FOXP2: variants seen among roughly 807,000 people sequenced by gnomAD.
The protein encoded by FOXP2 is forkhead box protein P2.
In FOXP2, 12 loss-of-function variants were observed where a neutral mutation model predicts 115.8. The ratio of observed to expected loss-of-function variants is 0.10; its 90% CI spans 0.07 to 0.17. The LOEUF (loss-of-function observed/expected upper bound fraction) is 0.17, where lower values mean the gene tolerates loss of function less well. Ranked by LOEUF, FOXP2 falls within the 10% of genes least tolerant of loss-of-function variation. The probability of loss-of-function intolerance (pLI) is 1.00; values close to 1 mark genes in which losing one functional copy is unlikely to be tolerated. For missense variants in FOXP2, 629 were observed against 843.5 expected, an observed-to-expected ratio of 0.75 and a Z score of 3.15; for synonymous variants, 328 against 297.7, an observed-to-expected ratio of 1.10 and a Z score of -1.05.
At chr7:114,296,480 G>C (rs1040042130) in intron 2 of FOXP2, among the ~76,000 whole-genome samples, 1 of 150,842 alleles carries the variant, frequency 6.6e-6, no homozygotes, top group East Asian at 1.9e-4. Context: ...TTTCTGAAAA[G>C]TATCCTGTGG....
chr7:114,091,124 CCTCT>C (rs1349679792), intron 1 of FOXP2, among the ~76,000 whole-genome samples: 1 of 151,698 alleles, frequency 6.6e-6, no homozygotes, highest in Non-Finnish European at 1.5e-5. Context: ...TGCTTACTTC[CCTCT>C]AAGTATTTTT....
chr7:114,515,086 A>G (rs1482051914), intron 2 of FOXP2, among the ~76,000 whole-genome samples: 2 of 150,392 alleles, frequency 1.3e-5, no homozygotes, highest in Non-Finnish European at 3.0e-5. Flanking sequence ...CATGGTGTAT[A>G]TGTGCCACAT....
chr7:114,619,655 T>G (rs1804135468), intron 3 of FOXP2, among the ~76,000 whole-genome samples: 1 of 152,108 alleles, frequency 6.6e-6, no homozygotes, highest in Admixed American at 6.6e-5. Flanking sequence ...TATATCCAAT[T>G]TTTTAAAAGA....
intron 2 of FOXP2, among the ~76,000 whole-genome samples, chr7:114,433,543 C>A (rs1284039322): frequency 1.3e-5 from 2 of 151,876 alleles, no homozygotes; most frequent in Non-Finnish European, 2.9e-5. Flanking sequence ...TGATTCACTT[C>A]TACAGATGGC....
chr7:114,255,840 T>C (rs1297312654), intron 1 of FOXP2, among the ~76,000 whole-genome samples: 2 of 152,112 alleles, frequency 1.3e-5, no homozygotes, highest in Non-Finnish European at 2.9e-5. Flanking sequence ...ATGAACCCAG[T>C]ACCTCAGTTG....
Position 114,653,915 on chromosome 7 carries a change from T to G in FOXP2, c.1183-11T>G. Reference sequence around the variant, plus strand: ...TTCTAAAACGCTTCTGATCTCACTCTTTCTTAACAGCTTTCTAAAGAACGC... The same window carrying G: ...TTCTAAAACGCTTCTGATCTCACTCGTTCTTAACAGCTTTCTAAAGAACGC... On this transcript the variant is annotated splice_polypyrimidine_tract_variant and intron_variant, in intron 9 of 16. Coordinates refer to ENST00000350908, the MANE Select transcript of FOXP2 (RefSeq NM_014491.4). 1 of 1,612,390 alleles carries G rather than the reference T, an allele frequency of 6.2e-7. No homozygotes were observed. The highest frequency in any genetic ancestry group is 1.1e-5 in the South Asian group (1 of 91,074).
chr7:114,191,217 G>A (rs1793752670), intron 1 of FOXP2, among the ~76,000 whole-genome samples: 1 of 152,114 alleles, frequency 6.6e-6, no homozygotes. Context: ...TTTATGGAGG[G>A]AGAAGGGCTA....
At chr7:114,441,968 C>A (rs2129212839) in intron 2 of FOXP2, among the ~76,000 whole-genome samples, 1 of 152,180 alleles carries the variant, frequency 6.6e-6, no homozygotes, top group South Asian at 2.1e-4. Context: ...AACAATTAAG[C>A]CTCCACTATG....
intron 2 of FOXP2, among the ~76,000 whole-genome samples, chr7:114,339,711 T>A (rs1791153119): frequency 1.3e-5 from 2 of 151,152 alleles, no homozygotes; most frequent in South Asian, 4.1e-4. Context: ...TTCCTTTTTG[T>A]GAGTTCATAA....
intron 2 of FOXP2, among the ~76,000 whole-genome samples, chr7:114,457,334 C>A (rs769686488): frequency 3.8e-4 from 57 of 151,930 alleles, no homozygotes; most frequent in Non-Finnish European, 6.8e-4. Flanking sequence ...ATATTTATTT[C>A]TTTAAAATTT....
At chr7:114,414,682 G>A (rs1390992583), upstream of FOXP2, 1 of 170,584 alleles carries the variant, frequency 5.9e-6, no homozygotes, top group African/African-American at 2.4e-5. Context: ...GCTGTGAAAT[G>A]CTTGTCTTGG....
chr7:114,134,957 C>G (rs368421835), intron 1 of FOXP2, among the ~76,000 whole-genome samples: 9 of 152,180 alleles, frequency 5.9e-5, no homozygotes, highest in African/African-American at 2.2e-4. Context: ...AATTATTTCT[C>G]TCCATAATGT....
intron 3 of FOXP2, among the ~76,000 whole-genome samples, chr7:114,538,556 A>G (rs1003806292): frequency 6.6e-6 from 1 of 151,742 alleles, no homozygotes; most frequent in Non-Finnish European, 1.5e-5. Flanking sequence ...GTAAAAAGCA[A>G]AAGAGAATTA....
Position 114,629,922 on chromosome 7 carries a change from C to A in FOXP2, c.514C>A (p.Gln172Lys). The A allele has an allele frequency of 6.2e-7, 1 of 1,612,380 alleles. No homozygotes were observed. Among genetic ancestry groups the A allele is most frequent in the East Asian group, 2.2e-5 (1 of 44,764 alleles). Residue 172 changes from glutamine (Q) to lysine (K), a missense_variant, in exon 5 of 17, where the codon CAA becomes AAA. Physicochemically the swap from Gln to Lys is moderately conservative, Grantham distance 53. Transcript: ENST00000350908. ...GCAGCAACAACAGCAGCAGCAACAA[C>A]AACAACAACAGCAGCAACAACAGCA... ...QQQQQQQQQQ[Q>K]QQQQQQQQQQ...
At chr7:114,230,632 T>C (rs1238853206) in intron 1 of FOXP2, among the ~76,000 whole-genome samples, 1 of 151,954 alleles carries the variant, frequency 6.6e-6, no homozygotes, top group Non-Finnish European at 1.5e-5. Context: ...ACATGATCAT[T>C]AGAATAGATG....
At chr7:114,193,369 G>C (rs1793815711) in intron 1 of FOXP2, among the ~76,000 whole-genome samples, 1 of 151,756 alleles carries the variant, frequency 6.6e-6, no homozygotes, top group Non-Finnish European at 1.5e-5. Context: ...TCTTGGTTTA[G>C]TTCTGACAAA....
intron 2 of FOXP2, among the ~76,000 whole-genome samples, chr7:114,488,741 GAGGACACATTGCAAA>G (rs1353086740): frequency 1.3e-5 from 2 of 152,044 alleles, no homozygotes; most frequent in South Asian, 2.1e-4. Context: ...AGAAATTTAG[GAGGACACATTGCAAA>G]ATTCAAGAAT....
chr7:114,388,154 C>T (rs549555756), intron 2 of FOXP2, among the ~76,000 whole-genome samples: 5 of 152,260 alleles, frequency 3.3e-5, no homozygotes, highest in African/African-American at 1.2e-4. Context: ...ATTTATTTCA[C>T]TTTAACTTCT....
intron 1 of FOXP2, among the ~76,000 whole-genome samples, chr7:114,419,476 C>T (rs1170394606): frequency 1.3e-5 from 2 of 151,832 alleles, no homozygotes; most frequent in African/African-American, 4.8e-5. Context: ...TTTATACACA[C>T]TTGATGCCAG....
Sources: allele counts gnomAD v4.1 joint callset (sites outside exome capture counted in the v4.1 genomes callset), GRCh38; gene constraint gnomAD v4.1.1; transcripts MANE v1.5; gene names NCBI Gene and HGNC (gene_info 2026-07-23, HGNC 2026-07-21).